The following HS3ST2 variants were observed in gnomAD, a reference collection of about 807,000 sequenced individuals.
HS3ST2 encodes the protein heparan sulfate glucosamine 3-O-sulfotransferase 2.
Under a neutral mutation model 26.3 loss-of-function variants are expected in HS3ST2, and 17 were observed. The ratio of observed to expected loss-of-function variants is 0.65; its 90% CI spans 0.44 to 0.97. The LOEUF (loss-of-function observed/expected upper bound fraction) is 0.97, where lower values mean the gene tolerates loss of function less well. Ranked by LOEUF, HS3ST2 falls within the 50% of genes least tolerant of loss-of-function variation. HS3ST2 has a pLI of 0.00. For missense variants in HS3ST2, 402 were observed against 501.2 expected, an observed-to-expected ratio of 0.80 and a Z score of 1.89; for synonymous variants, 237 against 219.2, an observed-to-expected ratio of 1.08 and a Z score of -0.72.
intron 1 of HS3ST2, among the ~76,000 whole-genome samples, chr16:22,867,010 A>G (rs1254413494): frequency 5.9e-5 from 9 of 152,234 alleles, no homozygotes; most frequent in Non-Finnish European, 2.9e-5. Flanking sequence ...TGGTGAGAAC[A>G]CTTGGAGAAA....
At chr16:22,875,126 T>C (rs1430708131) in intron 1 of HS3ST2, among the ~76,000 whole-genome samples, 1 of 152,136 alleles carries the variant, frequency 6.6e-6, no homozygotes, top group East Asian at 1.9e-4. Flanking sequence ...TGTTTGTGTC[T>C]TAATTTTTAA....
intron 1 of HS3ST2, among the ~76,000 whole-genome samples, chr16:22,885,333 G>GGA (rs1555513966): frequency 6.7e-6 from 1 of 149,320 alleles, no homozygotes; most frequent in African/African-American, 2.5e-5. Context: ...GAGAGGAGGG[G>GGA]AAAAAAAAAC....
intron 1 of HS3ST2, among the ~76,000 whole-genome samples, chr16:22,860,899 G>T (rs1239221397): frequency 3.3e-5 from 5 of 151,242 alleles, no homozygotes; most frequent in African/African-American, 1.2e-4. Context: ...GACAGACAGG[G>T]TCTTAGTTTG....
chr16:22,909,266 G>C (rs746363894), intron 1 of HS3ST2, among the ~76,000 whole-genome samples: 1 of 152,164 alleles, frequency 6.6e-6, no homozygotes, highest in Non-Finnish European at 1.5e-5. Context: ...TAGTTCCTGA[G>C]CAATTTAAAA....
intron 1 of HS3ST2, among the ~76,000 whole-genome samples, chr16:22,899,373 G>T (rs1222878041): frequency 6.6e-6 from 1 of 152,162 alleles, no homozygotes; most frequent in Non-Finnish European, 1.5e-5. Context: ...GCAGGATATT[G>T]AGAGCACTAC....
intron 1 of HS3ST2, among the ~76,000 whole-genome samples, chr16:22,841,989 CT>C (rs935512124): frequency 2.8e-4 from 41 of 146,882 alleles, no homozygotes; most frequent in African/African-American, 9.0e-4. Flanking sequence ...GACAATCTGT[CT>C]TTTTTTTTCT....
chr16:22,906,259 T>C (rs1343092990), intron 1 of HS3ST2, among the ~76,000 whole-genome samples: 1 of 151,990 alleles, frequency 6.6e-6, no homozygotes, highest in Non-Finnish European at 1.5e-5. Context: ...TAATCCCAGC[T>C]ACTTGGGAGG....
intron 1 of HS3ST2, among the ~76,000 whole-genome samples, chr16:22,823,911 A>G (rs1901041612): frequency 1.3e-5 from 2 of 152,248 alleles, no homozygotes; most frequent in South Asian, 4.1e-4. Flanking sequence ...TAGCCTTCCC[A>G]AGAACCAGGT....
intron 1 of HS3ST2, among the ~76,000 whole-genome samples, chr16:22,883,779 G>A (rs1339031228): frequency 6.6e-6 from 1 of 152,198 alleles, no homozygotes; most frequent in African/African-American, 2.4e-5. Context: ...CATCAAGCTA[G>A]ATTGAAGAAT....
intron 1 of HS3ST2, among the ~76,000 whole-genome samples, chr16:22,834,615 A>G (rs1450129100): frequency 2.0e-5 from 3 of 150,688 alleles, no homozygotes; most frequent in Non-Finnish European, 4.4e-5. Flanking sequence ...ATCGTACCCA[A>G]TGATTTTCCT....
chr16:22,908,507 G>T (rs1902383069), intron 1 of HS3ST2, among the ~76,000 whole-genome samples: 1 of 152,158 alleles, frequency 6.6e-6, no homozygotes, highest in Admixed American at 6.5e-5. Context: ...AGTTATTGAG[G>T]TTGAGAAGTC....
chr16:22,915,868 C>T lies in HS3ST2; in HGVS notation c.*306C>T. 2.7e-6 allele frequency: 1 copy of T among 367,664 alleles called. No homozygotes were observed. Among genetic ancestry groups the T allele is most frequent in the South Asian group, 4.5e-5 (1 of 22,000 alleles). The allele number at this position is 367,664 out of a possible 1,614,324, so 22.8% of individuals were successfully genotyped here. ...ATTGCTTTAAGAAGAGTGAATGTTC[C>T]AATGATGATAGATATTATAAGCGAT... On this transcript the variant is annotated 3_prime_UTR_variant, in exon 2 of 2. Transcript: ENST00000261374.
At chr16:22,854,994 T>TTAATCTCTTTTCTTCTCAACTCGTC (rs1294652979) in intron 1 of HS3ST2, among the ~76,000 whole-genome samples, 2 of 152,210 alleles carry the variant, frequency 1.3e-5, no homozygotes, top group Non-Finnish European at 2.9e-5. Flanking sequence ...TACAATCACT[T>TTAATCTCTTTTCTTCTCAACTCGTC]TAATCTCTTT....
At chr16:22,873,872 C>A (rs1320925274) in intron 1 of HS3ST2, among the ~76,000 whole-genome samples, 2 of 152,306 alleles carry the variant, frequency 1.3e-5, no homozygotes, top group South Asian at 4.1e-4. Flanking sequence ...TGATGGATGG[C>A]AGCTTGGTCC....
chr16:22,874,374 C>T lies in HS3ST2; in HGVS notation c.486-40570C>T, dbSNP rs144309796. Among the ~76,000 whole-genome samples the T allele has an allele frequency of 1.0e-3, 155 of 152,328 alleles. 4 individuals are homozygous for T. In the East Asian group the frequency reaches 0.023, roughly 22 times the overall value. ...TCAGAAGGTGAGATTTCCTCCTCCACGTCCCATCTGCAAGTTCTCAGATTT... is the reference window on the plus strand; with the variant it reads ...TCAGAAGGTGAGATTTCCTCCTCCATGTCCCATCTGCAAGTTCTCAGATTT... On this transcript the variant is annotated intron_variant, in intron 1 of 1. Coordinates refer to ENST00000261374, the MANE Select transcript of HS3ST2 (RefSeq NM_006043.2).
At chr16:22,891,397 G>T (rs1479950821) in intron 1 of HS3ST2, among the ~76,000 whole-genome samples, 4 of 152,138 alleles carry the variant, frequency 2.6e-5, no homozygotes, top group African/African-American at 9.7e-5. Context: ...TCAGACTGAG[G>T]TTAAGTGACT....
intron 1 of HS3ST2, among the ~76,000 whole-genome samples, chr16:22,883,253 TCAGACAACTATTGTC>T (rs1285759854): frequency 6.6e-6 from 1 of 152,196 alleles, no homozygotes; most frequent in Non-Finnish European, 1.5e-5. Flanking sequence ...CCCAGCTGTA[TCAGACAACTATTGTC>T]CATAACATCA....
intron 1 of HS3ST2, among the ~76,000 whole-genome samples, chr16:22,842,274 G>A (rs1389032177): frequency 6.6e-6 from 1 of 151,900 alleles, no homozygotes; most frequent in East Asian, 1.9e-4. Context: ...TGTTGGTCAA[G>A]CTCGTCTCGA....
intron 1 of HS3ST2, among the ~76,000 whole-genome samples, chr16:22,826,852 G>A (rs1472985827): frequency 6.6e-6 from 1 of 152,162 alleles, no homozygotes; most frequent in Non-Finnish European, 1.5e-5. Flanking sequence ...TAGTCACTGG[G>A]GAGAGAGGAA....
Sources: allele counts gnomAD v4.1 joint callset (sites outside exome capture counted in the v4.1 genomes callset), GRCh38; gene constraint gnomAD v4.1.1; transcripts MANE v1.5; gene names NCBI Gene and HGNC (gene_info 2026-07-23, HGNC 2026-07-21).